DDHD2: variants seen among roughly 807,000 people sequenced by gnomAD.
The protein encoded by DDHD2 is triacylglycerol hydrolase DDHD2.
In DDHD2, 62 loss-of-function variants were observed where a neutral mutation model predicts 91.2. The ratio of observed to expected loss-of-function variants is 0.68; its 90% CI spans 0.55 to 0.84. The LOEUF (loss-of-function observed/expected upper bound fraction) is 0.84. Ranked by LOEUF, DDHD2 falls within the 40% of genes least tolerant of loss-of-function variation. DDHD2 has a pLI of 0.00. For missense variants in DDHD2, 740 were observed against 846.9 expected (o/e 0.87, Z 1.57); for synonymous variants, 271 against 293.9 (o/e 0.92, Z 0.80).
intron 16 of DDHD2, chr8:38,255,194 CAAA>C (rs34259167): frequency 0.011 from 1,277 of 117,498 alleles, no homozygotes; most frequent in South Asian, 0.02. Flanking sequence ...GACTCCATCT[CAAA>C]AAAAAAAAAA....
At chr8:38,235,900 C>CACAA (rs71547694) in intron 3 of DDHD2, among the ~76,000 whole-genome samples, 2 of 149,982 alleles carry the variant, frequency 1.3e-5, no homozygotes, top group Admixed American at 6.7e-5. Flanking sequence ...CACACACACA[C>CACAA]AAATACAAAT....
At chr8:38,241,730 T>G (rs1038331606) in intron 6 of DDHD2, among the ~76,000 whole-genome samples, 1 of 150,450 alleles carries the variant, frequency 6.6e-6, no homozygotes, top group African/African-American at 2.4e-5. Flanking sequence ...GAAGTTAGCC[T>G]TCTTTTGATG....
At chr8:38,271,851 T>C (rs1808491703), downstream of DDHD2, 1 of 152,214 alleles carries the variant, frequency 6.6e-6, no homozygotes, top group African/African-American at 2.4e-5. Context: ...GGACATGGCA[T>C]GTGGCAGCCA....
chr8:38,260,260 AT>A, intron 17 of DDHD2, 113 bp downstream of exon 17: 1 of 557,264 alleles, frequency 1.8e-6, no homozygotes, highest in East Asian at 2.9e-5. Flanking sequence ...TGTCACCAAG[AT>A]CTAGGCTGCT....
chr8:38,269,217 G>A (rs1472301329), intron 1 of DDHD2: 3 of 1,486,570 alleles, frequency 2.0e-6, no homozygotes, highest in Admixed American at 2.3e-5. Flanking sequence ...CGAGCTCCGA[G>A]CGACGCTGCG....
At chr8:38,252,885 T>A (rs1479065519) in intron 14 of DDHD2, 61 bp downstream of exon 14, 1 of 1,606,296 alleles carries the variant, frequency 6.2e-7, no homozygotes, top group East Asian at 2.2e-5. Context: ...AGGGCATCAT[T>A]CACTCTGTTC....
At chr8:38,250,008 C>A (rs1805986917) in intron 11 of DDHD2, 1 of 260,146 alleles carries the variant, frequency 3.8e-6, no homozygotes, top group East Asian at 7.3e-5. Context: ...CCTCTGCCTC[C>A]CGGGTTCAAG....
chr8:38,266,130 A>G, downstream of DDHD2: 2 of 1,613,396 alleles, frequency 1.2e-6, no homozygotes, highest in Non-Finnish European at 1.7e-6. Flanking sequence ...TAGCCTGAGT[A>G]CTTTGCTTAC....
At chr8:38,264,722 C>G (rs1253066796), downstream of DDHD2, 45 of 1,436,982 alleles carry the variant, frequency 3.1e-5, no homozygotes, top group Non-Finnish European at 3.9e-5. Flanking sequence ...AAAATAACCT[C>G]AATTCCAGAC....
At chr8:38,267,104 A>G, downstream of DDHD2, 1 of 1,475,804 alleles carries the variant, frequency 6.8e-7, no homozygotes, top group East Asian at 2.4e-5. Flanking sequence ...TTACCCAAAT[A>G]GTCAAGGCTC....
intron 1 of DDHD2, chr8:38,269,950 C>G (rs1179786759): frequency 1.3e-5 from 2 of 152,178 alleles, no homozygotes; most frequent in Non-Finnish European, 2.9e-5. Flanking sequence ...TACACTATAA[C>G]TAGTCAACAA....
chr8:38,251,996 A>G lies in DDHD2; in HGVS notation c.1429A>G (p.Asn477Asp), dbSNP rs776202683. The G allele has an allele frequency of 1.4e-5, 23 of 1,614,016 alleles. No individual in the cohort carries two copies. Among genetic ancestry groups the G allele is most frequent in the Non-Finnish European group, 1.9e-5 (23 of 1,179,980 alleles). ...SEFCSSSNTR[N>D]GDYLDVGIGQ... ...GTTCTGCAGTAGCAGTAATACTAGA[A>G]ATGGTGACTATCTGGATGTTGGCAT... The change falls in exon 12 of 18, where the codon AAT becomes GAT. Residue 477 changes from asparagine to aspartate, a missense_variant. Asn to Asp is a conservative substitution (Grantham distance 23). Around this residue, in one of 2 missense-constraint regions of DDHD2, gnomAD observed 693 missense variants for 764.2 expected, o/e 0.91. Coordinates refer to ENST00000397166, the MANE Select transcript of DDHD2 (RefSeq NM_015214.3).
At chr8:38,256,664 A>G (rs1473527396) in intron 16 of DDHD2, among the ~76,000 whole-genome samples, 1 of 152,106 alleles carries the variant, frequency 6.6e-6, no homozygotes, top group Non-Finnish European at 1.5e-5. Flanking sequence ...ATTCCATTAT[A>G]TGGATATATC....
rs1050228392 is a variant in DDHD2, at chr8:38,260,960, C to G, written c.*387C>G. 2.0e-5 allele frequency: 3 copies of G among 152,050 alleles called. No homozygotes were observed. Among genetic ancestry groups the G allele is most frequent in the Non-Finnish European group, 4.4e-5 (3 of 68,006 alleles). The allele number at this position is 152,050 out of a possible 1,614,324, so 9.4% of individuals were successfully genotyped here. A position where few individuals can be genotyped will look rare whatever the true frequency, so the allele number is the denominator to read the frequency against. The stretch of plus-strand genomic sequence containing the variant: ...AGACATGTTTTTAAGGAACTTATTG[C>G]TTATCTTTAGAAAATGTTCTAGTTT... On this transcript the variant is annotated 3_prime_UTR_variant, in exon 18 of 18. Transcript: ENST00000397166.
At chr8:38,255,765 A>G (rs1187250956) in intron 16 of DDHD2, among the ~76,000 whole-genome samples, 1 of 151,716 alleles carries the variant, frequency 6.6e-6, no homozygotes, top group Non-Finnish European at 1.5e-5. Flanking sequence ...TCCTCTACTC[A>G]TGGACTTTCA....
chr8:38,244,870 A>G (rs906006162), intron 7 of DDHD2, among the ~76,000 whole-genome samples: 2 of 152,160 alleles, frequency 1.3e-5, no homozygotes, highest in Non-Finnish European at 2.9e-5. Flanking sequence ...GGCCCTGAAC[A>G]GTATATTTTA....
At chr8:38,253,229 A>G in intron 15 of DDHD2, 102 bp downstream of exon 15, 1 of 1,201,056 alleles carries the variant, frequency 8.3e-7, no homozygotes. Context: ...TTAATTTCAT[A>G]GTTAATATTG....
rs941849367 is a variant in DDHD2 at position 38,261,358 on chromosome 8, CTTCTA to C, written c.*790_*794del. On this transcript the variant is annotated 3_prime_UTR_variant, in exon 18 of 18. Coordinates refer to ENST00000397166, the MANE Select transcript of DDHD2 (RefSeq NM_015214.3). ...TTTGATAGAAGTTATTTGCTAATAG[CTTCTA>C]TTCTTACGTTGAAAATAGTTGTAAA... 43 of 152,268 alleles carry C rather than the reference CTTCTA, an allele frequency of 2.8e-4. No homozygotes were observed. The highest frequency in any genetic ancestry group is 9.9e-4 in the African/African-American group (41 of 41,554). The allele number at this position is 152,268 out of a possible 1,614,324, so 9.4% of individuals were successfully genotyped here.
chr8:38,246,587 A>T (rs577096694), intron 9 of DDHD2, among the ~76,000 whole-genome samples: 11 of 152,194 alleles, frequency 7.2e-5, no homozygotes, highest in Non-Finnish European at 1.6e-4. Context: ...CATGCCTGTA[A>T]TCTCAGCACT....
Sources: gnomAD v4.1 joint callset for allele counts (sites outside exome capture counted in the v4.1 genomes callset) on GRCh38, gnomAD v4.1.1 for gene constraint, gnomAD v4.1.1 regional missense constraint, MANE v1.5 for transcripts, NCBI Gene and HGNC (gene_info 2026-07-23, HGNC 2026-07-21) for gene names.